The following MARCHF1 variants were observed in gnomAD, a reference collection of about 807,000 sequenced individuals.
MARCHF1 encodes the protein E3 ubiquitin-protein ligase MARCHF1.
MARCHF1 carries 40 observed loss-of-function variants against 54.2 expected under a neutral mutation model. The ratio of observed to expected loss-of-function variants is 0.74; its 90% CI spans 0.57 to 0.96. The LOEUF (loss-of-function observed/expected upper bound fraction) is 0.96. MARCHF1 is among the 40% of genes least tolerant of loss of function. MARCHF1 has a pLI of 0.00. For missense variants in MARCHF1, 586 were observed against 656.5 expected, an observed-to-expected ratio of 0.89 and a Z score of 1.17; for synonymous variants, 236 against 236.3, an observed-to-expected ratio of 1.00 and a Z score of 0.01.
chr4:163,752,538 A>G (rs1244913006), intron 4 of MARCHF1, among the ~76,000 whole-genome samples: 2 of 152,202 alleles, frequency 1.3e-5, no homozygotes, highest in Non-Finnish European at 1.5e-5. Context: ...GATAAGTGCT[A>G]TATAAGCTTT....
intron 1 of MARCHF1, among the ~76,000 whole-genome samples, chr4:164,198,787 G>C (rs185621777): frequency 3.3e-5 from 5 of 152,122 alleles, no homozygotes; most frequent in African/African-American, 9.6e-5. Context: ...ATTTCATCTT[G>C]TCTCATACTA....
chr4:164,199,456 A>G (rs1731375911), intron 1 of MARCHF1, among the ~76,000 whole-genome samples: 1 of 152,104 alleles, frequency 6.6e-6, no homozygotes. Flanking sequence ...AGCCTGGCCA[A>G]CATGGTAAAA....
chr4:163,563,095 C>A (rs1486357277), intron 8 of MARCHF1, among the ~76,000 whole-genome samples: 1 of 152,210 alleles, frequency 6.6e-6, no homozygotes, highest in East Asian at 1.9e-4. Context: ...AATTCCTTAT[C>A]TAATACCTGT....
chr4:164,005,594 C>T (rs1438841549), intron 2 of MARCHF1, among the ~76,000 whole-genome samples: 9 of 152,234 alleles, frequency 5.9e-5, no homozygotes, highest in East Asian at 3.9e-4. Flanking sequence ...TCTGTGCCAT[C>T]GTGGGTGCCC....
chr4:164,364,050 A>G (rs1730804534), intron 1 of MARCHF1, among the ~76,000 whole-genome samples: 1 of 152,126 alleles, frequency 6.6e-6, no homozygotes, highest in Admixed American at 6.6e-5. Context: ...TATATTGCGT[A>G]AACATCTAGA....
In MARCHF1 at chr4:163,828,647, G is replaced by T. The variant is rs140180488; in HGVS notation, c.111+25374C>A. 4.9e-3 allele frequency among the ~76,000 whole-genome samples: 748 copies of T among 152,074 alleles called. 17 individuals are homozygous for T. The highest frequency in any genetic ancestry group is 0.039 in the Admixed American group (588 of 15,252). ...TTTCAAGTTTCACACACACATACAC[G>T]CAAAGCCTCAAAAACAACTTAAAAG... is the stretch of plus-strand genomic sequence containing the variant. On this transcript the variant is annotated intron_variant, in intron 4 of 9. Transcript: ENST00000514618.
At chr4:163,709,651 T>C (rs921452903) in intron 4 of MARCHF1, among the ~76,000 whole-genome samples, 8 of 152,174 alleles carry the variant, frequency 5.3e-5, no homozygotes, top group Admixed American at 2.6e-4. Context: ...GGACCTGGAA[T>C]ATACAGGCAC....
intron 1 of MARCHF1, among the ~76,000 whole-genome samples, chr4:164,328,272 C>A (rs542335878): frequency 6.6e-6 from 1 of 152,188 alleles, no homozygotes; most frequent in Admixed American, 6.5e-5. Context: ...CAAATATTTA[C>A]TTTTTGACAC....
chr4:164,100,808 C>T (rs939130085), intron 2 of MARCHF1, among the ~76,000 whole-genome samples: 4 of 152,216 alleles, frequency 2.6e-5, no homozygotes, highest in African/African-American at 7.2e-5. Flanking sequence ...CCAGCTTGAG[C>T]TACGCAGAAG....
chr4:163,691,807 T>A (rs114118261), intron 5 of MARCHF1, among the ~76,000 whole-genome samples: 2,025 of 152,292 alleles, frequency 0.013, 50 homozygotes, highest in African/African-American at 0.043. Flanking sequence ...CCCACGCAGA[T>A]GTTTACTACA....
chr4:163,989,632 T>A (rs140870728), intron 2 of MARCHF1, among the ~76,000 whole-genome samples: 170 of 152,254 alleles, frequency 1.1e-3, no homozygotes, highest in African/African-American at 3.4e-3. Flanking sequence ...TTTTTAAATT[T>A]AAAAAAAATT....
chr4:163,686,510 C>T (rs1181544237), intron 5 of MARCHF1, among the ~76,000 whole-genome samples: 1 of 147,286 alleles, frequency 6.8e-6, no homozygotes, highest in Non-Finnish European at 1.5e-5. Context: ...ATTACTTTTG[C>T]ACCAAGCTAA....
intron 5 of MARCHF1, among the ~76,000 whole-genome samples, chr4:163,690,232 A>G (rs913272104): frequency 1.3e-5 from 2 of 152,240 alleles, no homozygotes; most frequent in Non-Finnish European, 2.9e-5. Context: ...TTCAACAAAA[A>G]TATTTTCAAT....
chr4:164,117,083 C>T (rs1026913210), intron 1 of MARCHF1, among the ~76,000 whole-genome samples: 3 of 151,834 alleles, frequency 2.0e-5, no homozygotes, highest in Admixed American at 6.6e-5. Flanking sequence ...CATGGTGAAA[C>T]CTCGTCTCTA....
At chr4:163,800,429 T>C (rs1748047340) in intron 4 of MARCHF1, among the ~76,000 whole-genome samples, 1 of 152,006 alleles carries the variant, frequency 6.6e-6, no homozygotes, top group Admixed American at 6.6e-5. Context: ...TACTTTATGA[T>C]ATTAAAATAT....
chr4:163,759,255 T>C (rs879881284), intron 4 of MARCHF1, among the ~76,000 whole-genome samples: 9 of 152,094 alleles, frequency 5.9e-5, no homozygotes, highest in Admixed American at 5.9e-4. Context: ...GTGACTCTTT[T>C]GGAAGTCAAT....
chr4:163,768,350 C>T (rs756811334), intron 4 of MARCHF1, among the ~76,000 whole-genome samples: 10 of 152,154 alleles, frequency 6.6e-5, no homozygotes, highest in African/African-American at 1.7e-4. Flanking sequence ...GAAAAGAACA[C>T]TAACAAACAA....
chr4:164,037,313 C>T (rs564252895), intron 2 of MARCHF1, among the ~76,000 whole-genome samples: 23 of 151,918 alleles, frequency 1.5e-4, no homozygotes, highest in Non-Finnish European at 2.5e-4. Context: ...CTTAGGTCAT[C>T]AAGGAAGTAA....
chr4:163,820,102 G>A (rs1748650222), intron 4 of MARCHF1, among the ~76,000 whole-genome samples: 1 of 151,964 alleles, frequency 6.6e-6, no homozygotes, highest in Non-Finnish European at 1.5e-5. Context: ...TATACTTATA[G>A]TCTGTATTTT....
Sources: allele counts gnomAD v4.1 joint callset (sites outside exome capture counted in the v4.1 genomes callset), GRCh38; gene constraint gnomAD v4.1.1; transcripts MANE v1.5; gene names NCBI Gene and HGNC (gene_info 2026-07-23, HGNC 2026-07-21).